The following PKM variants were observed in gnomAD, a reference collection of about 807,000 sequenced individuals.
PKM encodes the protein pyruvate kinase M1/2, also known as pyruvate kinase PKM.
Under a neutral mutation model 49.8 loss-of-function variants are expected in PKM, and 18 were observed. The ratio of observed to expected loss-of-function variants is 0.36; its 90% CI spans 0.25 to 0.54. The LOEUF (loss-of-function observed/expected upper bound fraction) is 0.54. Among genes scored for constraint, PKM ranks in the 20% least tolerant of loss-of-function variants. The pLI is 0.89. For missense variants in PKM, 508 were observed against 713.8 expected, an observed-to-expected ratio of 0.71 and a Z score of 3.28; for synonymous variants, 239 against 261.8, an observed-to-expected ratio of 0.91 and a Z score of 0.84.
rs1444721900 is a variant in PKM, at chr15:72,199,566, T to C, written c.*84A>G. The C allele has an allele frequency of 6.6e-6, 6 of 915,310 alleles. No individual in the cohort carries two copies. Among genetic ancestry groups the C allele is most frequent in the Non-Finnish European group, 7.2e-6 (4 of 555,960 alleles). The allele number at this position is 915,310 out of a possible 1,614,324, so 56.7% of individuals were successfully genotyped here. On this transcript the variant is annotated 3_prime_UTR_variant, in exon 11 of 11. Transcript: ENST00000335181. ...ACCAGTGCCACGTTACAGCCCAGAG[T>C]GAGTTCTACAAGCGTTGCTGGCCTA...
At chr15:72,227,502 T>A (rs552155920) in intron 1 of PKM, among the ~76,000 whole-genome samples, 36 of 152,134 alleles carry the variant, frequency 2.4e-4, no homozygotes, top group Non-Finnish European at 3.2e-4. Flanking sequence ...CCCGGCACTT[T>A]GGGAGGCCGA....
intron 1 of PKM, among the ~76,000 whole-genome samples, chr15:72,224,123 C>T (rs1339406671): frequency 2.0e-5 from 3 of 152,144 alleles, no homozygotes; most frequent in Non-Finnish European, 2.9e-5. Flanking sequence ...CCTCAGATGC[C>T]GAGGATTTCC....
intron 1 of PKM, 73 bp from the exon 2 acceptor site, chr15:72,219,183 G>T (rs58298315): frequency 7.2e-7 from 1 of 1,382,372 alleles, no homozygotes; most frequent in Non-Finnish European, 1.0e-6. Context: ...ACAGAAGGCT[G>T]TCTCCTGCTT....
At chr15:72,230,953 A>T in intron 1 of PKM, 163 bp downstream of exon 1, 1 of 1,286,924 alleles carries the variant, frequency 7.8e-7, no homozygotes, top group Non-Finnish European at 1.0e-6. Flanking sequence ...CCCAGGCGTG[A>T]GGAGCCGTTC....
intron 1 of PKM, among the ~76,000 whole-genome samples, chr15:72,226,281 A>G (rs1216770654): frequency 1.3e-5 from 2 of 152,176 alleles, no homozygotes; most frequent in Non-Finnish European, 2.9e-5. Flanking sequence ...TAATCCCAGC[A>G]CTTTGGGAGG....
At chr15:72,226,172 T>C (rs1464484740) in intron 1 of PKM, among the ~76,000 whole-genome samples, 1 of 152,244 alleles carries the variant, frequency 6.6e-6, no homozygotes, top group African/African-American at 2.4e-5. Flanking sequence ...GTGCCCTGAC[T>C]GACTCCACTG....
At chr15:72,213,424 G>GACTT (rs1456113249) in intron 3 of PKM, among the ~76,000 whole-genome samples, 1 of 152,132 alleles carries the variant, frequency 6.6e-6, no homozygotes. Context: ...AAATCATTTG[G>GACTT]ACTTAAGTGT....
At chr15:72,227,263 C>G (rs2082696395) in intron 1 of PKM, among the ~76,000 whole-genome samples, 1 of 152,226 alleles carries the variant, frequency 6.6e-6, no homozygotes, top group African/African-American at 2.4e-5. Context: ...CACGAAGACC[C>G]TTGAAGATGC....
At chr15:72,209,472 T>A in intron 5 of PKM, 1 of 372,274 alleles carries the variant, frequency 2.7e-6, no homozygotes, top group Non-Finnish European at 5.0e-6. Context: ...TGTATGTTCC[T>A]GTGTTCTCCA....
Position 72,202,391 on chromosome 15 carries a change from C to T in PKM, c.1307+63G>A. On this transcript the variant is annotated intron_variant, in intron 9 of 10. Transcript: ENST00000335181. This position sits in a 1 kb window ranked among gnomAD's most constrained non-coding sequence, Gnocchi z 4.5. ...TGAGCATTGTTCAATGGACTGCTCC[C>T]AGGACCCCCAAGGTGAGGTACCACT... 1 of 1,518,084 alleles carries T rather than the reference C, an allele frequency of 6.6e-7. No individual in the cohort carries two copies. The highest frequency in any genetic ancestry group is 1.8e-5 in the Admixed American group (1 of 55,212). 94.0% of individuals were successfully genotyped at this position (1,518,084 alleles called of 1,614,324 possible). A position where few individuals can be genotyped will look rare whatever the true frequency, so the allele number is the denominator to read the frequency against.
intron 4 of PKM, chr15:72,210,129 G>C (rs1182347242): frequency 3.6e-5 from 24 of 657,954 alleles, no homozygotes; most frequent in Non-Finnish European, 6.2e-5. Flanking sequence ...AGGTTTTTAG[G>C]GTAAAAAAAA....
At chr15:72,211,002 C>G (rs1243906848) in intron 3 of PKM, among the ~76,000 whole-genome samples, 1 of 152,084 alleles carries the variant, frequency 6.6e-6, no homozygotes, top group Non-Finnish European at 1.5e-5. Flanking sequence ...TTGACTTAAG[C>G]TAACAGTGGC....
At chr15:72,219,220 G>C in intron 1 of PKM, 110 bp from the exon 2 acceptor site, 1 of 980,652 alleles carries the variant, frequency 1.0e-6, no homozygotes, top group Non-Finnish European at 1.5e-6. Context: ...AGCACGCTTT[G>C]TACACAAGCC....
At chr15:72,222,705 C>T (rs1472287078) in intron 1 of PKM, among the ~76,000 whole-genome samples, 4 of 152,090 alleles carry the variant, frequency 2.6e-5, no homozygotes, top group Non-Finnish European at 2.9e-5. Context: ...TAGCAGCACA[C>T]ACCATGCCCA....
intron 3 of PKM, among the ~76,000 whole-genome samples, chr15:72,214,782 G>A (rs8192399): frequency 0.066 from 9,925 of 151,282 alleles, 467 homozygotes; most frequent in Non-Finnish European, 0.1. Context: ...ATGACAGAGC[G>A]AGACTCCCTC....
At chr15:72,222,313 A>AT (rs1180255049) in intron 1 of PKM, 1 of 152,138 alleles carries the variant, frequency 6.6e-6, no homozygotes, top group East Asian at 1.9e-4. Flanking sequence ...CAGAGACCTC[A>AT]TATCTCATGC....
At position 72,200,435 on chromosome 15, in the gene PKM, A is replaced by C. The variant is rs758755553; in HGVS notation, c.1489+39T>G. 1 of 1,601,866 alleles carries C rather than the reference A, an allele frequency of 6.2e-7. No homozygotes were observed. Among genetic ancestry groups the C allele is most frequent in the Non-Finnish European group, 8.5e-7 (1 of 1,170,918 alleles). On this transcript the variant is annotated intron_variant, in intron 10 of 10. Transcript: ENST00000335181. This position sits in a 1 kb window ranked among gnomAD's most constrained non-coding sequence, Gnocchi z 4.6. The stretch of plus-strand genomic sequence containing the variant: ...CAGAAGCCAATGCTCAAGCATCCCC[A>C]AGCTCCTCTAGGCTCTAGCCCCTGC...
intron 3 of PKM, among the ~76,000 whole-genome samples, chr15:72,211,733 T>C (rs2082258507): frequency 6.7e-6 from 1 of 149,598 alleles, no homozygotes; most frequent in Non-Finnish European, 1.5e-5. Flanking sequence ...GGGTTATGTC[T>C]AGGAGGTCAA....
intron 3 of PKM, among the ~76,000 whole-genome samples, chr15:72,212,488 A>G (rs897599870): frequency 1.5e-4 from 23 of 151,952 alleles, no homozygotes; most frequent in African/African-American, 3.6e-4. Context: ...CTAAAAGAAA[A>G]AAAAAAAAAA....
Sources: gnomAD v4.1 joint callset for allele counts (sites outside exome capture counted in the v4.1 genomes callset) on GRCh38, gnomAD v4.1.1 for gene constraint, Gnocchi (gnomAD v3.1) non-coding constraint, MANE v1.5 for transcripts, NCBI Gene and HGNC (gene_info 2026-07-23, HGNC 2026-07-21) for gene names.